The following C10orf90 variants were observed in gnomAD, a reference collection of about 807,000 sequenced individuals.
C10orf90 encodes chromosome 10 open reading frame 90.
In C10orf90, 56 loss-of-function variants were observed where a neutral mutation model predicts 62.5. The observed-to-expected ratio is 0.90, with a 90% CI of 0.72 to 1.12. The LOEUF is 1.12. Among genes scored for constraint, C10orf90 ranks in the 50% most tolerant of loss-of-function variants. The pLI is 0.00. For missense variants in C10orf90, 970 were observed against 880.4 expected, an observed-to-expected ratio of 1.10 and a Z score of -1.29; for synonymous variants, 386 against 340.4, an observed-to-expected ratio of 1.13 and a Z score of -1.47.
At chr10:126,506,364 G>A (rs945233997) in intron 3 of C10orf90, among the ~76,000 whole-genome samples, 8 of 152,216 alleles carry the variant, frequency 5.3e-5, no homozygotes, top group African/African-American at 9.6e-5. Context: ...CCTGGCCCCC[G>A]TTTAGACGTT....
intron 2 of C10orf90, among the ~76,000 whole-genome samples, chr10:126,554,354 T>C (rs915076221): frequency 6.6e-6 from 1 of 152,158 alleles, no homozygotes; most frequent in African/African-American, 2.4e-5. Flanking sequence ...AGTGCTTATC[T>C]TGGTGAGGCA....
At chr10:126,439,162 C>T in intron 7 of C10orf90, among the ~76,000 whole-genome samples, 1 of 152,212 alleles carries the variant, frequency 6.6e-6, no homozygotes, top group East Asian at 1.9e-4. Flanking sequence ...ACCCTTGCTG[C>T]TGCCGTAGAC....
rs1862604415 is a variant in C10orf90, at chr10:126,504,608, ACT to A, written c.881_882del (p.Glu294ValfsTer21). The A allele has an allele frequency of 6.2e-7, 1 of 1,613,820 alleles. No homozygotes were observed. Among genetic ancestry groups the A allele is most frequent in the East Asian group, 2.2e-5 (1 of 44,872 alleles). On this transcript the variant is annotated frameshift_variant, in exon 4 of 10. Coordinates refer to ENST00000488181, the MANE Select transcript of C10orf90 (RefSeq NM_001350921.2). LOFTEE classifies it high-confidence loss of function. This position sits in a 1 kb window ranked among gnomAD's most constrained non-coding sequence, Gnocchi z 4.1. The stretch of plus-strand genomic sequence containing the variant: ...CGCACCACGGAGCTGTTTCTGGAGA[ACT>A]CTGTGCAGGCAAAAGATCTCTGATG... ...GRHQRSFACT[E>X]FSRNSSVVRL...
At chr10:126,516,147 C>T (rs1029137296) in intron 2 of C10orf90, among the ~76,000 whole-genome samples, 1 of 152,226 alleles carries the variant, frequency 6.6e-6, no homozygotes, top group Non-Finnish European at 1.5e-5. Flanking sequence ...GGCCGACCTA[C>T]AGTGGATGGG....
intron 2 of C10orf90, among the ~76,000 whole-genome samples, chr10:126,635,781 C>T (rs922548700): frequency 6.6e-6 from 1 of 152,190 alleles, no homozygotes; most frequent in African/African-American, 2.4e-5. Context: ...CCACTTTAAT[C>T]TGTTATATAA....
chr10:126,448,091 C>T (rs374551723), intron 7 of C10orf90, among the ~76,000 whole-genome samples: 13 of 127,202 alleles, frequency 1.0e-4, no homozygotes, highest in East Asian at 9.6e-4. Context: ...AGGATGGTAT[C>T]GATCTCTTGA....
In C10orf90 at chr10:126,646,614, G is replaced by A. The variant is rs544033283; in HGVS notation, c.264C>T (p.Ser88=). Residue 88 remains serine, a synonymous_variant, in exon 2 of 10, where the codon TCC becomes TCT. Transcript: ENST00000488181. ...TTTCCCAGGCAGAATGATCTTTGGGGGATGAGAAGAGTCGACTGTGGATCT... is the reference window on the plus strand; with the variant it reads ...TTTCCCAGGCAGAATGATCTTTGGGAGATGAGAAGAGTCGACTGTGGATCT... ...RYEIHSRLFS[S]PKDHSAWERN... is the part of the protein sequence containing the mutation. 2 of 447,554 alleles carry A rather than the reference G, an allele frequency of 4.5e-6. No individual in the cohort carries two copies. The highest frequency in any genetic ancestry group is 2.0e-5 in the African/African-American group (1 of 49,690). 27.7% of individuals were successfully genotyped at this position (447,554 alleles called of 1,614,324 possible). A position where few individuals can be genotyped will look rare whatever the true frequency, so the allele number is the denominator to read the frequency against.
intron 2 of C10orf90, among the ~76,000 whole-genome samples, chr10:126,533,798 C>T (rs1864166032): frequency 6.6e-6 from 1 of 152,242 alleles, no homozygotes; most frequent in Non-Finnish European, 1.5e-5. Flanking sequence ...GCATCAAATG[C>T]TCTTAGCACA....
chr10:126,600,871 G>A (rs537950431), intron 2 of C10orf90, among the ~76,000 whole-genome samples: 1 of 152,246 alleles, frequency 6.6e-6, no homozygotes, highest in South Asian at 2.1e-4. Flanking sequence ...TAACCGCCTT[G>A]TAAAGGTATC....
chr10:126,482,049 C>CT (rs60271974), intron 4 of C10orf90, among the ~76,000 whole-genome samples: 7 of 152,150 alleles, frequency 4.6e-5, no homozygotes, highest in African/African-American at 1.7e-4. Context: ...TTGGCTCATA[C>CT]TTTTTTTGTC....
chr10:126,587,306 C>T (rs188043401), intron 2 of C10orf90, among the ~76,000 whole-genome samples: 159 of 152,322 alleles, frequency 1.0e-3, no homozygotes, highest in African/African-American at 3.4e-3. Context: ...CTCAGGCTGC[C>T]ATAACGAAAC....
intron 4 of C10orf90, chr10:126,469,880 T>C (rs970214044): frequency 6.6e-6 from 3 of 456,770 alleles, no homozygotes; most frequent in Admixed American, 2.3e-5. Context: ...TTGAGGACTC[T>C]CCTTTGCTGT....
intron 4 of C10orf90, among the ~76,000 whole-genome samples, chr10:126,490,264 C>T (rs1359856420): frequency 1.3e-5 from 2 of 150,416 alleles, no homozygotes; most frequent in African/African-American, 4.9e-5. Flanking sequence ...GTAAAATAAG[C>T]CAATCACAAA....
intron 2 of C10orf90, among the ~76,000 whole-genome samples, chr10:126,533,155 C>A (rs1447266519): frequency 6.6e-6 from 1 of 151,824 alleles, no homozygotes; most frequent in African/African-American, 2.4e-5. Flanking sequence ...AGGATGTTCC[C>A]GATCTCCTGA....
At chr10:126,664,702 T>C (rs1417525587) in intron 1 of C10orf90, among the ~76,000 whole-genome samples, 1 of 152,214 alleles carries the variant, frequency 6.6e-6, no homozygotes, top group African/African-American at 2.4e-5. Flanking sequence ...TTATAAGCCT[T>C]AGCTGCCAAT....
intron 2 of C10orf90, among the ~76,000 whole-genome samples, chr10:126,577,902 A>C (rs961954676): frequency 2.6e-5 from 4 of 152,168 alleles, no homozygotes; most frequent in African/African-American, 9.6e-5. Flanking sequence ...GTCTTTCAAA[A>C]AAAGGGATTG....
chr10:126,445,434 C>T (rs1476817493), intron 7 of C10orf90, among the ~76,000 whole-genome samples: 2 of 151,996 alleles, frequency 1.3e-5, no homozygotes, highest in Non-Finnish European at 2.9e-5. Context: ...CACTAATGAC[C>T]AGGGAAATGC....
At chr10:126,564,035 C>A (rs1844238137) in intron 2 of C10orf90, among the ~76,000 whole-genome samples, 1 of 152,082 alleles carries the variant, frequency 6.6e-6, no homozygotes, top group Admixed American at 6.5e-5. Flanking sequence ...TGCCCGTAGT[C>A]CCCATCCCAC....
chr10:126,516,722 C>T (rs1863456683), intron 2 of C10orf90, among the ~76,000 whole-genome samples: 1 of 152,190 alleles, frequency 6.6e-6, no homozygotes, highest in East Asian at 1.9e-4. Flanking sequence ...AAATTCAGGG[C>T]TTACACAACA....
Sources: allele counts gnomAD v4.1 joint callset (sites outside exome capture counted in the v4.1 genomes callset), GRCh38; gene constraint gnomAD v4.1.1; non-coding constraint Gnocchi (gnomAD v3.1); transcripts MANE v1.5; gene names NCBI Gene and HGNC (gene_info 2026-07-23, HGNC 2026-07-21).